The following USP37 variants were observed in gnomAD, a reference collection of about 807,000 sequenced individuals.
USP37 encodes the protein ubiquitin carboxyl-terminal hydrolase 37.
USP37 carries 27 observed loss-of-function variants against 124.0 expected under a neutral mutation model. That is an observed-to-expected ratio of 0.22 (90% CI 0.16 to 0.30). USP37 has a LOEUF of 0.30. Ranked by LOEUF, USP37 falls within the 10% of genes least tolerant of loss-of-function variation. The pLI is 1.00. For synonymous variants in USP37, 365 were observed against 388.0 expected (o/e 0.94, Z 0.70); for missense variants, 889 against 1,140.4 (o/e 0.78, Z 3.17).
intron 10 of USP37, among the ~76,000 whole-genome samples, chr2:218,527,284 G>A (rs962106589): frequency 6.6e-6 from 1 of 152,172 alleles, no homozygotes; most frequent in Admixed American, 6.5e-5. Flanking sequence ...TACTCAGGGA[G>A]TAGGAAAGCA....
At chr2:218,541,718 G>A (rs1691982424) in intron 8 of USP37, among the ~76,000 whole-genome samples, 1 of 152,080 alleles carries the variant, frequency 6.6e-6, no homozygotes, top group Non-Finnish European at 1.5e-5. Flanking sequence ...CCAGAAGTGG[G>A]AAGCAACAAT....
At chr2:218,480,989 A>G (rs181284109) in intron 17 of USP37, among the ~76,000 whole-genome samples, 4 of 152,340 alleles carry the variant, frequency 2.6e-5, no homozygotes, top group Non-Finnish European at 5.9e-5. Context: ...CTTTAGGAAA[A>G]TCATTTAATT....
At chr2:218,483,679 T>C (rs1691385548) in intron 16 of USP37, among the ~76,000 whole-genome samples, 1 of 149,288 alleles carries the variant, frequency 6.7e-6, no homozygotes, top group South Asian at 2.1e-4. Context: ...AAAAACCAAA[T>C]AGCAAGAGAA....
At chr2:218,555,244 A>G (rs549712709) in intron 4 of USP37, among the ~76,000 whole-genome samples, 13 of 151,708 alleles carry the variant, frequency 8.6e-5, no homozygotes, top group Non-Finnish European at 1.9e-4. Context: ...TACTGAAGAC[A>G]TGCCCTCTGA....
chr2:218,547,141 CT>C, intron 6 of USP37, 50 bp from the exon 7 acceptor site: 1 of 1,531,252 alleles, frequency 6.5e-7, no homozygotes, highest in Non-Finnish European at 8.8e-7. Context: ...AACTGGAATA[CT>C]TTTAGAACAG....
Position 218,454,975 on chromosome 2 carries a change from CTG to C in USP37, c.2893_2894del (p.Gln965ValfsTer3). ...DELLETEKNS[Q>X]SLSTEVGKTT... ...TCTTCCCCACTTCCGTGCTAAGTGA[CTG>C]AGAGTTCTTTTCTGTTTCCAGCAGC... On this transcript the variant is annotated frameshift_variant, in exon 26 of 26. Coordinates refer to ENST00000258399, the MANE Select transcript of USP37 (RefSeq NM_020935.3). LOFTEE classifies it high-confidence loss of function. The C allele has an allele frequency of 6.2e-7, 1 of 1,614,096 alleles. No individual in the cohort carries two copies. The highest frequency in any genetic ancestry group is 8.5e-7 in the Non-Finnish European group (1 of 1,180,032).
chr2:218,520,906 C>T (rs1263953743), intron 10 of USP37, among the ~76,000 whole-genome samples: 1 of 152,084 alleles, frequency 6.6e-6, no homozygotes, highest in Non-Finnish European at 1.5e-5. Context: ...TCATAATACC[C>T]AATGTTGGAG....
intron 2 of USP37, among the ~76,000 whole-genome samples, chr2:218,561,971 C>T (rs1394078618): frequency 5.9e-5 from 9 of 152,158 alleles, no homozygotes; most frequent in African/African-American, 1.9e-4. Flanking sequence ...TCCCCATCCC[C>T]AACCCTCCTT....
At chr2:218,493,435 C>T (rs924458210) in intron 14 of USP37, among the ~76,000 whole-genome samples, 1 of 152,192 alleles carries the variant, frequency 6.6e-6, no homozygotes. Context: ...CCTAACACCA[C>T]TGGCACAGTG....
chr2:218,536,127 A>G (rs1691633211), intron 8 of USP37, among the ~76,000 whole-genome samples: 1 of 152,018 alleles, frequency 6.6e-6, no homozygotes, highest in Admixed American at 6.6e-5. Flanking sequence ...TTTAATTTAT[A>G]TTGATTAAAA....
At chr2:218,475,358 C>CTGT (rs1216539064) in intron 19 of USP37, among the ~76,000 whole-genome samples, 3 of 152,202 alleles carry the variant, frequency 2.0e-5, no homozygotes, top group Non-Finnish European at 4.4e-5. Context: ...TGGCTCACGC[C>CTGT]TGTAATCCCA....
intron 8 of USP37, among the ~76,000 whole-genome samples, chr2:218,537,491 G>A (rs779615474): frequency 1.1e-4 from 17 of 152,172 alleles, no homozygotes; most frequent in Non-Finnish European, 1.6e-4. Context: ...CTACAGAGGC[G>A]TAACAAAATT....
chr2:218,556,628 T>G (rs567918008), intron 4 of USP37, among the ~76,000 whole-genome samples: 2 of 148,692 alleles, frequency 1.3e-5, no homozygotes, highest in South Asian at 2.2e-4. Context: ...ATTCTCCTGC[T>G]TCAGCCTCCC....
At chr2:218,534,733 T>C in intron 8 of USP37, 27 bp from the exon 9 acceptor site, 2 of 1,455,422 alleles carry the variant, frequency 1.4e-6, no homozygotes, top group Admixed American at 2.0e-5. Flanking sequence ...TACATCAATA[T>C]AGTACAGGTG....
chr2:218,473,460 A>G (rs1431538658), intron 20 of USP37, among the ~76,000 whole-genome samples: 2 of 152,226 alleles, frequency 1.3e-5, no homozygotes, highest in African/African-American at 4.8e-5. Flanking sequence ...TTTTACTTGC[A>G]TGCAAAATAA....
At chr2:218,485,532 A>T in intron 16 of USP37, 132 bp downstream of exon 16, 1 of 1,045,030 alleles carries the variant, frequency 9.6e-7, no homozygotes, top group Non-Finnish European at 1.4e-6. Flanking sequence ...CCTCTTTACC[A>T]ATCCATTCTG....
intron 11 of USP37, among the ~76,000 whole-genome samples, chr2:218,509,582 T>A (rs13393718): frequency 6.7e-6 from 1 of 149,874 alleles, no homozygotes; most frequent in African/African-American, 2.4e-5. Context: ...CCATTTCTAT[T>A]AAAAAAAAAA....
chr2:218,554,442 T>G (rs1347737210), intron 4 of USP37, among the ~76,000 whole-genome samples: 1 of 152,132 alleles, frequency 6.6e-6, no homozygotes, highest in Non-Finnish European at 1.5e-5. Flanking sequence ...ATCACCAGTT[T>G]AGAAAACCAA....
chr2:218,491,422 T>C (rs951058724), intron 14 of USP37, among the ~76,000 whole-genome samples: 6 of 152,100 alleles, frequency 3.9e-5, no homozygotes, highest in African/African-American at 1.2e-4. Context: ...CTTAATGAGA[T>C]AGAAGAGGAA....
Sources: gnomAD v4.1 joint callset for allele counts (sites outside exome capture counted in the v4.1 genomes callset) on GRCh38, gnomAD v4.1.1 for gene constraint, MANE v1.5 for transcripts, NCBI Gene and HGNC (gene_info 2026-07-23, HGNC 2026-07-21) for gene names.